The following ATP8A2 variants were observed in gnomAD, a reference collection of about 807,000 sequenced individuals.
The protein encoded by ATP8A2 is phospholipid-transporting ATPase IB.
A neutral mutation model predicts 165.6 loss-of-function variants in ATP8A2; 100 were observed. The observed-to-expected ratio is 0.60, with a 90% CI of 0.51 to 0.71. The LOEUF (loss-of-function observed/expected upper bound fraction) is 0.71, where lower values mean the gene tolerates loss of function less well. Ranked by LOEUF, ATP8A2 falls within the 30% of genes least tolerant of loss-of-function variation. ATP8A2 has a pLI of 0.00. For missense variants in ATP8A2, 1,227 were observed against 1,479.5 expected, an observed-to-expected ratio of 0.83 and a Z score of 2.80; for synonymous variants, 543 against 548.8, an observed-to-expected ratio of 0.99 and a Z score of 0.15.
At chr13:25,460,177 G>A (rs924079123) in intron 1 of ATP8A2, among the ~76,000 whole-genome samples, 3 of 152,158 alleles carry the variant, frequency 2.0e-5, no homozygotes, top group African/African-American at 7.2e-5. Context: ...CTCCAGCCTG[G>A]GCAACAGGGT....
At chr13:25,945,099 G>T (rs1485147818) in intron 33 of ATP8A2, among the ~76,000 whole-genome samples, 1 of 152,180 alleles carries the variant, frequency 6.6e-6, no homozygotes, top group African/African-American at 2.4e-5. Flanking sequence ...CTAGGGACGG[G>T]GTGGGAGGAA....
intron 28 of ATP8A2, among the ~76,000 whole-genome samples, chr13:25,830,496 G>A (rs1593414703): frequency 6.6e-6 from 1 of 152,182 alleles, no homozygotes; most frequent in African/African-American, 2.4e-5. Flanking sequence ...AGTTGGGATG[G>A]AATGGTCAAG....
chr13:25,827,645 CT>C (rs1951354810), intron 27 of ATP8A2, among the ~76,000 whole-genome samples: 1 of 152,176 alleles, frequency 6.6e-6, no homozygotes, highest in Non-Finnish European at 1.5e-5. Context: ...TGGTAGACAT[CT>C]GATTAAGGAG....
chr13:25,537,777 A>T (rs1422473587), intron 6 of ATP8A2, among the ~76,000 whole-genome samples: 1 of 152,180 alleles, frequency 6.6e-6, no homozygotes, highest in Non-Finnish European at 1.5e-5. Context: ...TTTATTAAAC[A>T]TCATTGCAAA....
chr13:25,677,529 A>G (rs1330185052), intron 24 of ATP8A2, among the ~76,000 whole-genome samples: 3 of 151,512 alleles, frequency 2.0e-5, no homozygotes, highest in Non-Finnish European at 2.9e-5. Context: ...AGAGACATTT[A>G]ATTCCCTTCT....
chr13:25,747,293 T>C (rs2044053954), intron 25 of ATP8A2, among the ~76,000 whole-genome samples: 1 of 152,250 alleles, frequency 6.6e-6, no homozygotes, highest in African/African-American at 2.4e-5. Context: ...TCATCTGCCG[T>C]GCTCCTTGGG....
chr13:25,473,655 C>T (rs1593361505), intron 2 of ATP8A2, among the ~76,000 whole-genome samples: 1 of 152,162 alleles, frequency 6.6e-6, no homozygotes, highest in South Asian at 2.1e-4. Context: ...AAATATTATA[C>T]TCTAGCTATC....
intron 2 of ATP8A2, among the ~76,000 whole-genome samples, chr13:25,479,354 A>G (rs1014256037): frequency 6.6e-6 from 1 of 152,136 alleles, no homozygotes; most frequent in Non-Finnish European, 1.5e-5. Context: ...AAATTACCCT[A>G]ATGTTTAACC....
chr13:25,530,861 C>G (rs1474302197), intron 4 of ATP8A2, among the ~76,000 whole-genome samples: 1 of 152,058 alleles, frequency 6.6e-6, no homozygotes. Flanking sequence ...ACAGTTCAAA[C>G]TTTGTTTTCA....
intron 30 of ATP8A2, among the ~76,000 whole-genome samples, chr13:25,845,193 G>T (rs529266605): frequency 6.6e-6 from 1 of 152,298 alleles, no homozygotes; most frequent in East Asian, 1.9e-4. Context: ...GCGATGCTAG[G>T]TTAGACCTAG....
intron 25 of ATP8A2, among the ~76,000 whole-genome samples, chr13:25,712,988 T>C (rs1250249516): frequency 6.6e-6 from 1 of 152,234 alleles, no homozygotes; most frequent in Non-Finnish European, 1.5e-5. Flanking sequence ...CCTGTTATAT[T>C]TAGTTTACTA....
At chr13:25,734,973 A>C (rs921703212) in intron 25 of ATP8A2, among the ~76,000 whole-genome samples, 4 of 152,166 alleles carry the variant, frequency 2.6e-5, no homozygotes, top group African/African-American at 9.7e-5. Context: ...AGACCAAGGC[A>C]CAATGGTGGC....
chr13:25,909,807 C>T (rs1004678898), intron 33 of ATP8A2, among the ~76,000 whole-genome samples: 4 of 152,170 alleles, frequency 2.6e-5, no homozygotes, highest in African/African-American at 9.7e-5. Context: ...CCGCCGCCCT[C>T]CCCCAACTCA....
chr13:26,022,667 A>T lies in ATP8A2; in HGVS notation c.*2682A>T, dbSNP rs75883102. The T allele has an allele frequency of 6.6e-6, 1 of 152,170 alleles. No homozygotes were observed. The highest frequency in any genetic ancestry group is 2.4e-5 in the African/African-American group (1 of 41,420). 9.4% of individuals were successfully genotyped at this position (152,170 alleles called of 1,614,324 possible). ...GATGTATAATATTTAGCCAGGGCCA[A>T]CTCAGGGGCTGTGTCATTTGTCCTA... On this transcript the variant is annotated 3_prime_UTR_variant, in exon 37 of 37. Coordinates refer to ENST00000381655, the MANE Select transcript of ATP8A2 (RefSeq NM_016529.6).
At chr13:25,878,367 G>A (rs1359590663) in intron 33 of ATP8A2, among the ~76,000 whole-genome samples, 1 of 152,116 alleles carries the variant, frequency 6.6e-6, no homozygotes, top group Non-Finnish European at 1.5e-5. Context: ...CCAGACCCAA[G>A]AGAGGGTTCT....
chr13:25,613,424 A>C (rs1324742495), intron 24 of ATP8A2, among the ~76,000 whole-genome samples: 1 of 152,158 alleles, frequency 6.6e-6, no homozygotes, highest in Non-Finnish European at 1.5e-5. Context: ...AAATACAAAA[A>C]TTAGCTTGGT....
intron 36 of ATP8A2, 81 bp from the exon 37 acceptor site, chr13:26,019,807 A>T: frequency 9.5e-7 from 1 of 1,048,444 alleles, no homozygotes; most frequent in Non-Finnish European, 1.5e-6. Context: ...CACGCTGCCA[A>T]AAAAAAGCAG....
At chr13:25,834,658 G>A (rs1172125651) in intron 28 of ATP8A2, among the ~76,000 whole-genome samples, 1 of 152,228 alleles carries the variant, frequency 6.6e-6, no homozygotes, top group Non-Finnish European at 1.5e-5. Context: ...AGAAAAATGT[G>A]TGTAAAGTAT....
chr13:25,513,506 C>T (rs1297418646), intron 2 of ATP8A2, among the ~76,000 whole-genome samples: 1 of 151,682 alleles, frequency 6.6e-6, no homozygotes, highest in Non-Finnish European at 1.5e-5. Flanking sequence ...TCCTCACGTC[C>T]CAGAAGATGG....
Sources: gnomAD v4.1 joint callset for allele counts (sites outside exome capture counted in the v4.1 genomes callset) on GRCh38, gnomAD v4.1.1 for gene constraint, MANE v1.5 for transcripts, NCBI Gene and HGNC (gene_info 2026-07-23, HGNC 2026-07-21) for gene names.